The following RAF1 variants were observed in gnomAD, a reference collection of about 807,000 sequenced individuals.
RAF1 encodes Raf-1 proto-oncogene, serine/threonine kinase.
In RAF1, 27 loss-of-function variants were observed where a neutral mutation model predicts 81.1. The observed-to-expected ratio is 0.33, with a 90% CI of 0.25 to 0.46. The LOEUF (loss-of-function observed/expected upper bound fraction) is 0.46, where lower values mean the gene tolerates loss of function less well. Among genes scored for constraint, RAF1 ranks in the 20% least tolerant of loss-of-function variants. RAF1 has a pLI of 1.00. For synonymous variants in RAF1, 298 were observed against 294.0 expected (o/e 1.01, Z -0.14); for missense variants, 598 against 826.0 (o/e 0.72, Z 3.38).
At chr3:12,621,568 A>G (rs1487462933) in intron 1 of RAF1, among the ~76,000 whole-genome samples, 2 of 152,222 alleles carry the variant, frequency 1.3e-5, no homozygotes, top group Non-Finnish European at 2.9e-5. Context: ...GAATACGGTA[A>G]TATCTATTAA....
At chr3:12,651,719 A>T (rs1429811460) in intron 1 of RAF1, among the ~76,000 whole-genome samples, 1 of 151,086 alleles carries the variant, frequency 6.6e-6, no homozygotes, top group East Asian at 2.0e-4. Flanking sequence ...GAAACAAATT[A>T]AAAATATGAG....
chr3:12,618,266 T>C (rs2059438408), intron 2 of RAF1, among the ~76,000 whole-genome samples: 1 of 152,086 alleles, frequency 6.6e-6, no homozygotes, highest in Non-Finnish European at 1.5e-5. Context: ...AATGTACTAT[T>C]TGTTTGGATG....
At chr3:12,618,396 A>G (rs2125452151) in intron 2 of RAF1, 119 bp downstream of exon 2, 1 of 1,112,334 alleles carries the variant, frequency 9.0e-7, no homozygotes, top group East Asian at 2.4e-5. Context: ...GTTAGAAAAA[A>G]AAAAATAAAG....
chr3:12,658,969 CAG>C (rs1168658769), intron 1 of RAF1, among the ~76,000 whole-genome samples: 2 of 152,104 alleles, frequency 1.3e-5, no homozygotes, highest in Non-Finnish European at 2.9e-5. Context: ...GAAAGGCAAA[CAG>C]ATGTGAAATT....
Position 12,583,760 on chromosome 3 carries a change from CAAGGCTGTTTGTTTGTTTGTTTGT to C in RAF1, c.*730_*753del, listed in dbSNP as rs2058218097. The C allele has an allele frequency of 4.3e-5, 10 of 232,534 alleles. No individual in the cohort carries two copies. The East Asian group carries it at 6.0e-4, about 14-fold the overall frequency. The allele number at this position is 232,534 out of a possible 1,614,324, so 14.4% of individuals were successfully genotyped here. ...TATACACATGATGTGACTAGAGAAACAAGGCTGTTTGTTTGTTTGTTTGTTAGAGAAACAAGGCTGGCCCTGCGG... is the reference window on the plus strand; with the variant it reads ...TATACACATGATGTGACTAGAGAAACTAGAGAAACAAGGCTGGCCCTGCGG... On this transcript the variant is annotated 3_prime_UTR_variant, in exon 18 of 18. Coordinates refer to ENST00000442415, the MANE Select transcript of RAF1 (RefSeq NM_001354689.3).
At chr3:12,634,042 C>CTA (rs936266839) in intron 1 of RAF1, among the ~76,000 whole-genome samples, 15 of 151,380 alleles carry the variant, frequency 9.9e-5, no homozygotes, top group African/African-American at 3.6e-4. Flanking sequence ...TGAAGGAAAA[C>CTA]TATCTCCAAT....
At chr3:12,618,383 G>T in intron 2 of RAF1, 132 bp downstream of exon 2, 1 of 916,050 alleles carries the variant, frequency 1.1e-6, no homozygotes, top group Non-Finnish European at 1.7e-6. Context: ...AAATAAATCT[G>T]CAGTTAGAAA....
At chr3:12,615,407 T>G (rs1231346255) in intron 2 of RAF1, among the ~76,000 whole-genome samples, 1 of 152,202 alleles carries the variant, frequency 6.6e-6, no homozygotes, top group Non-Finnish European at 1.5e-5. Flanking sequence ...CAGCCCTCCA[T>G]GGATACATGC....
chr3:12,653,150 C>T (rs944398137), intron 1 of RAF1, among the ~76,000 whole-genome samples: 10 of 151,318 alleles, frequency 6.6e-5, no homozygotes, highest in African/African-American at 2.2e-4. Context: ...GGCATAGTGG[C>T]ACAGGCCTGT....
rs1221140251 is a variant in RAF1, at chr3:12,618,740, TCTTAAAC to T, written c.-26_-20del. 6.2e-7 allele frequency: 1 copy of T among 1,612,162 alleles called. No homozygotes were observed. The highest frequency in any genetic ancestry group is 8.5e-7 in the Non-Finnish European group (1 of 1,178,506). On this transcript the variant is annotated splice_region_variant and 5_prime_UTR_variant, in exon 2 of 18. Transcript: ENST00000442415. ...GCTCCATTGATGCAGCTTAAACAATTCTTAAACCTGGTAAGAAACACAAATAATTGTA... is the reference window on the plus strand; with the variant it reads ...GCTCCATTGATGCAGCTTAAACAATTCTGGTAAGAAACACAAATAATTGTA...
intron 3 of RAF1, among the ~76,000 whole-genome samples, chr3:12,610,535 T>TTAA (rs1193309415): frequency 6.6e-6 from 1 of 152,160 alleles, no homozygotes; most frequent in African/African-American, 2.4e-5. Flanking sequence ...TCTCTAGTCC[T>TTAA]TAAGGAACAC....
chr3:12,619,797 C>T (rs1029523849), intron 1 of RAF1, among the ~76,000 whole-genome samples: 3 of 151,526 alleles, frequency 2.0e-5, no homozygotes, highest in African/African-American at 7.3e-5. Flanking sequence ...TATAAATTAT[C>T]TCAAGCCGGG....
At chr3:12,599,556 A>G in intron 11 of RAF1, 135 bp downstream of exon 10, 1 of 696,982 alleles carries the variant, frequency 1.4e-6, no homozygotes, top group Non-Finnish European at 2.6e-6. Flanking sequence ...ATCTTCAGGT[A>G]TAATCAAGTA....
chr3:12,661,823 A>G (rs750771124), intron 1 of RAF1, among the ~76,000 whole-genome samples: 6 of 152,168 alleles, frequency 3.9e-5, no homozygotes, highest in African/African-American at 9.6e-5. Flanking sequence ...AAGAATCCCC[A>G]GGAATATATG....
At chr3:12,624,922 C>A (rs1336491235) in intron 1 of RAF1, among the ~76,000 whole-genome samples, 3 of 149,006 alleles carry the variant, frequency 2.0e-5, no homozygotes, top group Admixed American at 1.3e-4. Flanking sequence ...AAACAAGGAG[C>A]TCCTAAAAAT....
intron 1 of RAF1, among the ~76,000 whole-genome samples, chr3:12,641,523 G>A (rs1268925647): frequency 1.5e-5 from 2 of 134,920 alleles, no homozygotes; most frequent in Non-Finnish European, 3.1e-5. Flanking sequence ...ACAGGGTCTC[G>A]CTCTGTCACC....
intron 1 of RAF1, among the ~76,000 whole-genome samples, chr3:12,650,259 G>A (rs1179524401): frequency 6.6e-6 from 1 of 151,838 alleles, no homozygotes; most frequent in African/African-American, 2.4e-5. Context: ...AGGAGGTCGA[G>A]GCTGGAGTGA....
chr3:12,660,749 G>A (rs949023933), intron 1 of RAF1, among the ~76,000 whole-genome samples: 1 of 152,112 alleles, frequency 6.6e-6, no homozygotes, highest in Non-Finnish European at 1.5e-5. Context: ...GGCCAAGGCG[G>A]GTAGATCACA....
At chr3:12,589,808 T>TTTG (rs1478038519) in intron 13 of RAF1, 2 of 150,638 alleles carry the variant, frequency 1.3e-5, no homozygotes, top group African/African-American at 4.9e-5. Context: ...TTTTTTTTTT[T>TTTG]CAGATGGAGT....
Sources: gnomAD v4.1 joint callset for allele counts (sites outside exome capture counted in the v4.1 genomes callset) on GRCh38, gnomAD v4.1.1 for gene constraint, MANE v1.5 for transcripts, NCBI Gene and HGNC (gene_info 2026-07-23, HGNC 2026-07-21) for gene names.